The following ITGA8 variants were observed in gnomAD, a reference collection of about 807,000 sequenced individuals.
ITGA8 encodes the protein integrin alpha-8.
In ITGA8, 91 loss-of-function variants were observed where a neutral mutation model predicts 142.3. The observed-to-expected ratio is 0.64, with a 90% CI of 0.54 to 0.76. The LOEUF is 0.76. Ranked by LOEUF, ITGA8 falls within the 30% of genes least tolerant of loss-of-function variation. The probability of loss-of-function intolerance (pLI) is 0.00; values close to 1 mark genes in which losing one functional copy is unlikely to be tolerated. For synonymous variants in ITGA8, 505 were observed against 485.2 expected (o/e 1.04, Z -0.54); for missense variants, 1,406 against 1,327.7 (o/e 1.06, Z -0.92).
Position 15,585,703 on chromosome 10 carries a change from T to C in ITGA8, c.2372+881A>G, listed in dbSNP as rs566107963. On this transcript the variant is annotated intron_variant, in intron 23 of 29. Transcript: ENST00000378076. ...CAAGATAAGAACTACACACAACCCA[T>C]TTCTGATTTCTTTTTCCCCCAGGCA... Among the ~76,000 whole-genome samples the C allele has an allele frequency of 2.6e-5, 4 of 152,300 alleles. No individual in the cohort carries two copies. The South Asian group carries it at 8.3e-4, about 32-fold the overall frequency.
In ITGA8 at chr10:15,679,032, T is replaced by C. The variant is rs144776262; in HGVS notation, c.569-249A>G. 2.8e-3 allele frequency among the ~76,000 whole-genome samples: 419 copies of C among 152,352 alleles called. 2 individuals are homozygous for C. The highest frequency in any genetic ancestry group is 5.2e-3 in the Non-Finnish European group (356 of 68,032). On this transcript the variant is annotated intron_variant, in intron 4 of 29. Transcript: ENST00000378076. ...CAGGAATAACATCCCTTTTGGCTAC[T>C]CTATTGGGTTTTATGACTCACTTTC...
rs910770615 is a variant in ITGA8, at chr10:15,671,607, C to G, written c.843G>C (p.Gln281His). The G allele has an allele frequency of 6.2e-7, 1 of 1,611,892 alleles. No individual in the cohort carries two copies. ...VAAGEFTGDS[Q>H]QELVAGIPRG... is the part of the protein sequence containing the mutation. ...AAACTCAACAGTGCCTCTCACCTTGCTGAGAATCCCCAGTAAACTCCCCAG... is the reference window on the plus strand; with the variant it reads ...AAACTCAACAGTGCCTCTCACCTTGGTGAGAATCCCCAGTAAACTCCCCAG... The change falls in exon 8 of 30, where the codon CAG becomes CAC. Residue 281 changes from glutamine to histidine, a missense_variant. Gln to His is a conservative substitution (Grantham distance 24). Coordinates refer to ENST00000378076, the MANE Select transcript of ITGA8 (RefSeq NM_003638.3).
chr10:15,706,731 T>A (rs2131732832), intron 2 of ITGA8, among the ~76,000 whole-genome samples: 1 of 152,260 alleles, frequency 6.6e-6, no homozygotes, highest in Admixed American at 6.5e-5. Flanking sequence ...TGAGCCCCCA[T>A]GACTGACCAA....
intron 27 of ITGA8, among the ~76,000 whole-genome samples, chr10:15,545,590 T>C (rs765289513): frequency 2.2e-4 from 33 of 152,224 alleles, no homozygotes; most frequent in Non-Finnish European, 4.3e-4. Context: ...TTGCTAAATG[T>C]CTTCTACCCT....
chr10:15,624,994 A>G (rs1431459154), intron 13 of ITGA8, among the ~76,000 whole-genome samples: 1 of 152,216 alleles, frequency 6.6e-6, no homozygotes, highest in African/African-American at 2.4e-5. Context: ...GTTAATCTAA[A>G]AATAGAAGTT....
chr10:15,647,866 G>C (rs1422300352), intron 11 of ITGA8, among the ~76,000 whole-genome samples: 1 of 152,170 alleles, frequency 6.6e-6, no homozygotes, highest in Non-Finnish European at 1.5e-5. Context: ...GGTATATCAA[G>C]CTGGCTAGAA....
chr10:15,671,842 G>T (rs1459945473), intron 7 of ITGA8, among the ~76,000 whole-genome samples, 195 bp from the exon 8 acceptor site: 1 of 137,614 alleles, frequency 7.3e-6, no homozygotes, highest in Non-Finnish European at 1.5e-5. Flanking sequence ...AGTCCTGAGT[G>T]CATAATAGAT....
chr10:15,677,924 G>A (rs184455634), intron 5 of ITGA8, among the ~76,000 whole-genome samples: 36 of 152,212 alleles, frequency 2.4e-4, no homozygotes, highest in African/African-American at 8.4e-4. Flanking sequence ...TGCCTCATAA[G>A]CAAAATATCA....
At chr10:15,713,225 G>C (rs959243250) in intron 2 of ITGA8, among the ~76,000 whole-genome samples, 7 of 152,174 alleles carry the variant, frequency 4.6e-5, no homozygotes, top group Non-Finnish European at 8.8e-5. Flanking sequence ...ATCATGAATT[G>C]CTTCTAGAAT....
At chr10:15,657,509 CATTTTTTT>C (rs1465929815) in intron 10 of ITGA8, among the ~76,000 whole-genome samples, 1 of 116,500 alleles carries the variant, frequency 8.6e-6, no homozygotes, top group African/African-American at 3.2e-5. Context: ...TCTTTTCTTT[CATTTTTTT>C]TTTTTTTTTT....
intron 13 of ITGA8, among the ~76,000 whole-genome samples, chr10:15,622,870 C>T (rs1001251367): frequency 3.3e-5 from 5 of 152,076 alleles, no homozygotes; most frequent in African/African-American, 1.2e-4. Context: ...AGACTTCAAC[C>T]TTACTAGTCA....
At chr10:15,692,816 C>G (rs1834959652) in intron 2 of ITGA8, among the ~76,000 whole-genome samples, 6 of 152,174 alleles carry the variant, frequency 3.9e-5, no homozygotes, top group Admixed American at 3.9e-4. Flanking sequence ...GCCGGTAATC[C>G]CAGCACTTTG....
At chr10:15,580,126 T>TAAAAAAAAAAAAAAAAAAAAG (rs1834379728) in intron 23 of ITGA8, among the ~76,000 whole-genome samples, 8 of 108,896 alleles carry the variant, frequency 7.3e-5, no homozygotes, top group East Asian at 2.8e-4. Flanking sequence ...TCAGAAAATG[T>TAAAAAAAAAAAAAAAAAAAAG]AAAAAAAAAA....
intron 5 of ITGA8, 117 bp downstream of exon 5, chr10:15,678,605 C>A: frequency 1.4e-6 from 1 of 696,370 alleles, no homozygotes; most frequent in South Asian, 1.9e-5. Flanking sequence ...TAGGTATGTT[C>A]CTCAAGATTC....
At chr10:15,680,946 C>A (rs1230743871) in intron 4 of ITGA8, among the ~76,000 whole-genome samples, 1 of 151,582 alleles carries the variant, frequency 6.6e-6, no homozygotes, top group Non-Finnish European at 1.5e-5. Flanking sequence ...GACTTCAGAG[C>A]ATTTGTGAAC....
intron 23 of ITGA8, among the ~76,000 whole-genome samples, chr10:15,582,414 A>T (rs1319865656): frequency 1.3e-5 from 2 of 152,236 alleles, no homozygotes; most frequent in Non-Finnish European, 2.9e-5. Flanking sequence ...GACACAAAGA[A>T]CACAAAACAT....
intron 13 of ITGA8, among the ~76,000 whole-genome samples, chr10:15,643,373 G>A (rs949237005): frequency 1.1e-4 from 16 of 152,208 alleles, no homozygotes; most frequent in East Asian, 7.7e-4. Context: ...TCCGCCTCCC[G>A]GGTTCAGGTG....
At chr10:15,522,305 T>C (rs1249585528) in intron 28 of ITGA8, among the ~76,000 whole-genome samples, 1 of 152,254 alleles carries the variant, frequency 6.6e-6, no homozygotes, top group Non-Finnish European at 1.5e-5. Flanking sequence ...TCTTGTTATG[T>C]ACCCTTCCTT....
intron 20 of ITGA8, among the ~76,000 whole-genome samples, chr10:15,602,801 G>C (rs1479823099): frequency 1.3e-5 from 2 of 151,986 alleles, no homozygotes; most frequent in Non-Finnish European, 2.9e-5. Flanking sequence ...GAGAAATTAG[G>C]GTTTATACTG....
Sources: allele counts gnomAD v4.1 joint callset (sites outside exome capture counted in the v4.1 genomes callset), GRCh38; gene constraint gnomAD v4.1.1; transcripts MANE v1.5; gene names NCBI Gene and HGNC (gene_info 2026-07-23, HGNC 2026-07-21).